FLT3: variants seen among roughly 807,000 people sequenced by gnomAD.
The protein encoded by FLT3 is receptor-type tyrosine-protein kinase FLT3.
FLT3 carries 46 observed loss-of-function variants against 126.6 expected under a neutral mutation model. The observed-to-expected ratio is 0.36, with a 90% CI of 0.29 to 0.46. The LOEUF is 0.46. Ranked by LOEUF, FLT3 falls within the 20% of genes least tolerant of loss-of-function variation. FLT3 has a pLI of 1.00. For missense variants in FLT3, 1,069 were observed against 1,190.3 expected (o/e 0.90, Z 1.50); for synonymous variants, 404 against 434.4 (o/e 0.93, Z 0.87).
Position 28,077,107 on chromosome 13 carries a change from G to A in FLT3, c.44-6495C>T, listed in dbSNP as rs9579154. On this transcript the variant is annotated intron_variant, in intron 1 of 23. Transcript: ENST00000241453. The stretch of plus-strand genomic sequence containing the variant: ...AGAAAGAAAAAGAGAAAAAGAAAGA[G>A]AGAGAGAAAGAAAGAGAAAAGAAAG... 6.0e-4 allele frequency among the ~76,000 whole-genome samples: 50 copies of A among 82,810 alleles called. 1 individual carries two copies. Among genetic ancestry groups the A allele is most frequent in the East Asian group, 1.7e-3 (2 of 1,204 alleles). 54.3% of individuals were successfully genotyped at this position (82,810 alleles called of 152,430 possible).
intron 1 of FLT3, among the ~76,000 whole-genome samples, chr13:28,088,185 AT>A (rs1264275758): frequency 6.6e-6 from 1 of 152,184 alleles, no homozygotes; most frequent in Non-Finnish European, 1.5e-5. Flanking sequence ...CATGTCTTGC[AT>A]TTAAGCTGGG....
At chr13:28,027,518 C>T (rs1872918056) in intron 16 of FLT3, among the ~76,000 whole-genome samples, 1 of 152,216 alleles carries the variant, frequency 6.6e-6, no homozygotes, top group South Asian at 2.1e-4. Context: ...CTCCAGTTGG[C>T]AACTGAAAGT....
intron 1 of FLT3, among the ~76,000 whole-genome samples, chr13:28,094,257 T>C (rs1442092556): frequency 6.6e-6 from 1 of 152,176 alleles, no homozygotes; most frequent in Non-Finnish European, 1.5e-5. Flanking sequence ...TAACAAAATA[T>C]TCCAAGACCG....
At chr13:28,012,335 A>C (rs907682299) in intron 23 of FLT3, among the ~76,000 whole-genome samples, 3 of 152,012 alleles carry the variant, frequency 2.0e-5, no homozygotes, top group Non-Finnish European at 4.4e-5. Flanking sequence ...ACATCCTGTG[A>C]GTATGGGGAC....
intron 9 of FLT3, among the ~76,000 whole-genome samples, chr13:28,043,322 A>G (rs1874551072): frequency 6.6e-6 from 1 of 152,210 alleles, no homozygotes; most frequent in African/African-American, 2.4e-5. Context: ...CCAGGACACC[A>G]GGACGGCTAG....
intron 1 of FLT3, among the ~76,000 whole-genome samples, chr13:28,071,847 A>AT (rs200423823): frequency 2.3e-3 from 350 of 149,710 alleles, no homozygotes; most frequent in African/African-American, 7.8e-3. Context: ...CTTCTTTTTA[A>AT]TTTTTTTTTT....
At chr13:28,099,148 A>G (rs1321238519) in intron 1 of FLT3, among the ~76,000 whole-genome samples, 1 of 152,232 alleles carries the variant, frequency 6.6e-6, no homozygotes, top group African/African-American at 2.4e-5. Flanking sequence ...TCTTTCCTAA[A>G]TAGAAAAGAA....
chr13:28,033,045 T>C (rs1873489073), intron 15 of FLT3, among the ~76,000 whole-genome samples: 1 of 151,876 alleles, frequency 6.6e-6, no homozygotes, highest in Non-Finnish European at 1.5e-5. Flanking sequence ...ACCCAGAGTC[T>C]GTTTCAACCC....
chr13:28,061,799 G>T, intron 3 of FLT3, 68 bp downstream of exon 3: 2 of 1,293,520 alleles, frequency 1.5e-6, no homozygotes, highest in South Asian at 1.3e-5. Context: ...CAATAAACAT[G>T]AACAGAAACT....
intron 9 of FLT3, among the ~76,000 whole-genome samples, chr13:28,044,121 G>A (rs1228169392): frequency 6.6e-6 from 1 of 151,262 alleles, no homozygotes; most frequent in Non-Finnish European, 1.5e-5. Context: ...ACTCTAGCCT[G>A]GGTGACAGAG....
rs1008663559 is a variant in FLT3, at chr13:28,023,575, T to G, written c.2291-98A>C. The G allele has an allele frequency of 1.7e-5, 22 of 1,295,396 alleles. No homozygotes were observed. The Admixed American group carries it at 3.4e-4, about 20-fold the overall frequency. 80.2% of individuals were successfully genotyped at this position (1,295,396 alleles called of 1,614,324 possible). On this transcript the variant is annotated intron_variant, in intron 18 of 23. Coordinates refer to ENST00000241453, the MANE Select transcript of FLT3 (RefSeq NM_004119.3). ...TTATTCAAGCCAGAGTTAGGTGAGG[T>G]GCTAAGACATGAAGCTATCGCATTA... is the stretch of plus-strand genomic sequence containing the variant.
intron 1 of FLT3, among the ~76,000 whole-genome samples, chr13:28,082,545 G>C (rs1013152105): frequency 6.6e-6 from 1 of 151,840 alleles, no homozygotes; most frequent in African/African-American, 2.4e-5. Context: ...ACCTAGGATG[G>C]AGTCCAGTGG....
intron 9 of FLT3, among the ~76,000 whole-genome samples, chr13:28,047,806 AAAC>A (rs765668568): frequency 6.6e-6 from 1 of 152,330 alleles, no homozygotes; most frequent in Non-Finnish European, 1.5e-5. Context: ...ATCCCGAGGA[AAAC>A]AACATTTTCC....
chr13:28,010,043 C>G (rs1382446983), intron 23 of FLT3, among the ~76,000 whole-genome samples: 2 of 152,126 alleles, frequency 1.3e-5, no homozygotes, highest in African/African-American at 4.8e-5. Context: ...CTGCTGCCGC[C>G]CCTCTCAACT....
At chr13:28,072,213 G>A (rs1877579818) in intron 1 of FLT3, among the ~76,000 whole-genome samples, 1 of 150,432 alleles carries the variant, frequency 6.6e-6, no homozygotes, top group African/African-American at 2.4e-5. Flanking sequence ...ACATATATAT[G>A]GGCTTCTCTT....
intron 1 of FLT3, among the ~76,000 whole-genome samples, chr13:28,084,227 A>G (rs1299995037): frequency 1.3e-5 from 2 of 152,020 alleles, no homozygotes; most frequent in Admixed American, 6.6e-5. Flanking sequence ...TCCTGGCCTC[A>G]AGTGATCTTG....
At chr13:28,069,015 G>A (rs1036531934) in intron 2 of FLT3, among the ~76,000 whole-genome samples, 12 of 152,016 alleles carry the variant, frequency 7.9e-5, no homozygotes, top group African/African-American at 2.7e-4. Context: ...TAAAAGAGAG[G>A]AGTCATGAAA....
At chr13:28,070,669 A>C (rs138426807) in intron 1 of FLT3, 57 bp from the exon 2 acceptor site, 12 of 1,364,724 alleles carry the variant, frequency 8.8e-6, no homozygotes, top group Non-Finnish European at 1.2e-5. Flanking sequence ...AAAAGAAAAC[A>C]TGCATTTATC....
chr13:28,007,587 A>G (rs1311367391), intron 23 of FLT3, among the ~76,000 whole-genome samples: 4 of 152,202 alleles, frequency 2.6e-5, no homozygotes, highest in African/African-American at 9.6e-5. Context: ...TAGTAGCTTT[A>G]GTAGTATATT....
Sources: gnomAD v4.1 joint callset for allele counts (sites outside exome capture counted in the v4.1 genomes callset) on GRCh38, gnomAD v4.1.1 for gene constraint, MANE v1.5 for transcripts, NCBI Gene and HGNC (gene_info 2026-07-23, HGNC 2026-07-21) for gene names.